RBMS1: variants seen among roughly 807,000 people sequenced by gnomAD.
The protein encoded by RBMS1 is RNA-binding motif, single-stranded-interacting protein 1.
Under a neutral mutation model 62.3 loss-of-function variants are expected in RBMS1, and 17 were observed. That is an observed-to-expected ratio of 0.27 (90% CI 0.19 to 0.41). RBMS1 has a LOEUF of 0.41. RBMS1 is among the 10% of genes least tolerant of loss of function. The probability of loss-of-function intolerance (pLI) is 1.00; values close to 1 mark genes in which losing one functional copy is unlikely to be tolerated. For synonymous variants in RBMS1, 172 were observed against 170.0 expected, an observed-to-expected ratio of 1.01 and a Z score of -0.09; for missense variants, 334 against 504.5, an observed-to-expected ratio of 0.66 and a Z score of 3.24.
chr2:160,275,743 A>T (rs201304138), intron 12 of RBMS1, 29 bp from the exon 13 acceptor site: 3 of 1,613,198 alleles, frequency 1.9e-6, no homozygotes, highest in Non-Finnish European at 2.5e-6. Flanking sequence ...AATGGATGAG[A>T]CATGTTAGTG....
intron 7 of RBMS1, among the ~76,000 whole-genome samples, chr2:160,286,020 A>G (rs1007585397): frequency 2.9e-4 from 44 of 152,128 alleles, no homozygotes; most frequent in Non-Finnish European, 6.0e-4. Context: ...CTGAGGCAGG[A>G]GAATGGCATG....
intron 1 of RBMS1, among the ~76,000 whole-genome samples, chr2:160,386,870 T>C (rs148167144): frequency 7.9e-4 from 121 of 152,342 alleles, no homozygotes; most frequent in African/African-American, 2.7e-3. Context: ...CTAGTCATAC[T>C]AGAATTCCCT....
intron 2 of RBMS1, among the ~76,000 whole-genome samples, chr2:160,326,693 C>A (rs892650437): frequency 6.6e-6 from 1 of 152,066 alleles, no homozygotes; most frequent in Non-Finnish European, 1.5e-5. Flanking sequence ...TATTTATTTT[C>A]TTGCTTTTTG....
intron 1 of RBMS1, among the ~76,000 whole-genome samples, chr2:160,453,978 C>T (rs1574079553): frequency 1.3e-5 from 2 of 152,200 alleles, no homozygotes; most frequent in East Asian, 3.8e-4. Context: ...TCAATGTCAT[C>T]TCCTCTATGA....
chr2:160,362,860 G>A lies in RBMS1; in HGVS notation c.251+4356C>T, dbSNP rs1396332727. On this transcript the variant is annotated intron_variant, in intron 2 of 13. Coordinates refer to ENST00000348849, the MANE Select transcript of RBMS1 (RefSeq NM_016836.4). The stretch of plus-strand genomic sequence containing the variant: ...TTCCTCCCAAAAAAAAAGCCTCAAG[G>A]AAGAGGAGGTTGGAGGTTATGTTAG... Among the ~76,000 whole-genome samples, 16 of 152,136 alleles carry A rather than the reference G, an allele frequency of 1.1e-4. No individual in the cohort carries two copies. The East Asian group carries it at 3.1e-3, about 29-fold the overall frequency.
At chr2:160,298,453 T>C (rs766901577) in intron 6 of RBMS1, among the ~76,000 whole-genome samples, 2 of 151,728 alleles carry the variant, frequency 1.3e-5, no homozygotes, top group Non-Finnish European at 2.9e-5. Flanking sequence ...ACCTTGAGAG[T>C]AGATGAAATT....
chr2:160,433,125 AT>A (rs1214985485), intron 1 of RBMS1, among the ~76,000 whole-genome samples: 2 of 149,230 alleles, frequency 1.3e-5, no homozygotes, highest in Non-Finnish European at 3.0e-5. Context: ...AAAAAAAAAA[AT>A]CTTTAGACTG....
At chr2:160,315,649 G>C (rs2105966931) in intron 3 of RBMS1, among the ~76,000 whole-genome samples, 1 of 152,200 alleles carries the variant, frequency 6.6e-6, no homozygotes, top group Non-Finnish European at 1.5e-5. Context: ...AACTATTTTT[G>C]CTAATGTGTA....
chr2:160,481,612 A>G (rs1450962551), intron 1 of RBMS1, among the ~76,000 whole-genome samples: 1 of 152,200 alleles, frequency 6.6e-6, no homozygotes, highest in Non-Finnish European at 1.5e-5. Context: ...AGACAACCCA[A>G]TTTAAAAAGT....
intron 2 of RBMS1, among the ~76,000 whole-genome samples, chr2:160,322,759 A>G (rs553721557): frequency 2.6e-4 from 40 of 152,344 alleles, no homozygotes; most frequent in African/African-American, 9.6e-4. Flanking sequence ...AGACCCCAGA[A>G]CTAGAAGATG....
intron 1 of RBMS1, among the ~76,000 whole-genome samples, chr2:160,469,437 G>T (rs764635713): frequency 2.0e-5 from 3 of 152,142 alleles, no homozygotes; most frequent in Non-Finnish European, 2.9e-5. Context: ...CAAGGTGTCT[G>T]CAACTCGGGG....
At chr2:160,372,730 G>A (rs1693793104) in intron 1 of RBMS1, among the ~76,000 whole-genome samples, 1 of 152,154 alleles carries the variant, frequency 6.6e-6, no homozygotes, top group Non-Finnish European at 1.5e-5. Flanking sequence ...AGAGAGGGCT[G>A]GGAATGGTGG....
intron 6 of RBMS1, among the ~76,000 whole-genome samples, chr2:160,298,314 G>C (rs1689045823): frequency 6.6e-6 from 1 of 150,576 alleles, no homozygotes; most frequent in Non-Finnish European, 1.5e-5. Flanking sequence ...AGTGAGGTAA[G>C]GGGGACTAGT....
At chr2:160,392,203 C>T (rs1394034678) in intron 1 of RBMS1, among the ~76,000 whole-genome samples, 3 of 152,130 alleles carry the variant, frequency 2.0e-5, no homozygotes, top group Non-Finnish European at 4.4e-5. Flanking sequence ...CATTTTCTTT[C>T]AAGTCCTTCT....
intron 5 of RBMS1, among the ~76,000 whole-genome samples, chr2:160,302,332 C>CT (rs1384865199): frequency 6.6e-6 from 1 of 151,016 alleles, no homozygotes; most frequent in Admixed American, 6.6e-5. Context: ...GCAGCTGGGA[C>CT]TATAGGCATG....
chr2:160,404,758 C>G (rs1286569175), intron 1 of RBMS1, among the ~76,000 whole-genome samples: 1 of 152,210 alleles, frequency 6.6e-6, no homozygotes, highest in Non-Finnish European at 1.5e-5. Flanking sequence ...CACAAACTTA[C>G]CATCTGTATC....
At chr2:160,473,969 T>C (rs943251904) in intron 1 of RBMS1, among the ~76,000 whole-genome samples, 5 of 152,176 alleles carry the variant, frequency 3.3e-5, no homozygotes, top group African/African-American at 4.8e-5. Context: ...GAAGAACTCA[T>C]GTTGTAGAGG....
intron 1 of RBMS1, 134 bp downstream of exon 1, chr2:160,493,155 A>C: frequency 2.4e-6 from 2 of 847,494 alleles, no homozygotes; most frequent in Non-Finnish European, 1.8e-6. Context: ...GGCCAGCGCT[A>C]TAGTTAGCAA....
At chr2:160,449,573 A>G (rs1683871264) in intron 1 of RBMS1, among the ~76,000 whole-genome samples, 1 of 152,162 alleles carries the variant, frequency 6.6e-6, no homozygotes, top group Non-Finnish European at 1.5e-5. Flanking sequence ...ACTCAGGGTT[A>G]AACGGATTAA....
Sources: allele counts gnomAD v4.1 joint callset (sites outside exome capture counted in the v4.1 genomes callset), GRCh38; gene constraint gnomAD v4.1.1; transcripts MANE v1.5; gene names NCBI Gene and HGNC (gene_info 2026-07-23, HGNC 2026-07-21).